RGS6: variants seen among roughly 807,000 people sequenced by gnomAD.
RGS6 encodes regulator of G protein signaling 6.
A neutral mutation model predicts 78.5 loss-of-function variants in RGS6; 30 were observed. That is an observed-to-expected ratio of 0.38 (90% confidence interval 0.29 to 0.52). The LOEUF is 0.52. Ranked by LOEUF, RGS6 falls within the 20% of genes least tolerant of loss-of-function variation. The pLI is 0.85. For missense variants in RGS6, 495 were observed against 609.7 expected (o/e 0.81, Z 1.98); for synonymous variants, 206 against 206.0 (o/e 1.00, Z 0.00).
At chr14:71,887,132 A>T in the RGS6 span, among the ~76,000 whole-genome samples, 2 of 152,204 alleles carry the variant, frequency 1.3e-5, no homozygotes, top group Non-Finnish European at 2.9e-5. Context: ...TGAAGATTTC[A>T]TGGACGTTTA....
intron 2 of RGS6, among the ~76,000 whole-genome samples, chr14:72,247,591 G>C (rs1223806789): frequency 6.6e-6 from 1 of 152,196 alleles, no homozygotes; most frequent in East Asian, 1.9e-4. Flanking sequence ...ACTGATTTCT[G>C]TGGTTTGAAT....
At chr14:72,296,956 A>G (rs552079274) in intron 2 of RGS6, among the ~76,000 whole-genome samples, 22 of 152,298 alleles carry the variant, frequency 1.4e-4, no homozygotes, top group African/African-American at 2.4e-5. Context: ...TTTATATACA[A>G]TATGTGGTAA....
intron 15 of RGS6, among the ~76,000 whole-genome samples, chr14:72,521,074 A>G (rs1348166614): frequency 6.6e-6 from 1 of 152,196 alleles, no homozygotes; most frequent in Non-Finnish European, 1.5e-5. Flanking sequence ...GAGCTAGGAA[A>G]TGTGTTGCTG....
intron 1 of RGS6, among the ~76,000 whole-genome samples, chr14:71,953,500 T>A (rs960645747): frequency 2.0e-5 from 3 of 151,684 alleles, no homozygotes; most frequent in African/African-American, 7.3e-5. Context: ...TTCAAGCATC[T>A]AAAAATGTAA....
At chr14:71,908,830 A>T in the RGS6 span, among the ~76,000 whole-genome samples, 1 of 152,186 alleles carries the variant, frequency 6.6e-6, no homozygotes, top group Admixed American at 6.5e-5. Flanking sequence ...GAATGATTCC[A>T]TCTTGAAGTG....
chr14:72,556,860 A>ACTT (rs1185675891), intron 17 of RGS6, among the ~76,000 whole-genome samples: 1 of 152,112 alleles, frequency 6.6e-6, no homozygotes, highest in Non-Finnish European at 1.5e-5. Flanking sequence ...CTATCCCTTG[A>ACTT]CTTTTTTAAA....
chr14:72,052,981 C>A (rs1400376745), intron 2 of RGS6, among the ~76,000 whole-genome samples: 1 of 41,440 alleles, frequency 2.4e-5, no homozygotes, highest in African/African-American at 2.2e-4. Context: ...TTCTTTCTTT[C>A]TTTCTCTCTC....
In RGS6 at chr14:72,325,466, CTAGGGTTTTTTT is replaced by C. The variant is rs902511890; in HGVS notation, c.85-26628_85-26617del. 6.7e-4 allele frequency among the ~76,000 whole-genome samples: 101 copies of C among 151,112 alleles called. 1 individual carries two copies. Among genetic ancestry groups the C allele is most frequent in the African/African-American group, 2.3e-3 (96 of 41,440 alleles). ...TGAATGGTATTGCCTAGGTTTTCTTCTAGGGTTTTTTTGGTTTTAGGTCTTACATTTAAGTCT... is the reference window on the plus strand; with the variant it reads ...TGAATGGTATTGCCTAGGTTTTCTTCGGTTTTAGGTCTTACATTTAAGTCT... On this transcript the variant is annotated intron_variant, in intron 2 of 17. Transcript: ENST00000553525.
intron 2 of RGS6, among the ~76,000 whole-genome samples, chr14:72,200,100 A>G (rs1480510213): frequency 6.6e-6 from 1 of 152,130 alleles, no homozygotes; most frequent in African/African-American, 2.4e-5. Flanking sequence ...AATCTGTCCT[A>G]TTGGGATAAT....
At chr14:72,157,204 G>T (rs763947767) in intron 2 of RGS6, among the ~76,000 whole-genome samples, 2 of 152,304 alleles carry the variant, frequency 1.3e-5, no homozygotes, top group Middle Eastern at 6.8e-3. Flanking sequence ...GCCTCAGCAG[G>T]AAAGAAGATG....
intron 2 of RGS6, among the ~76,000 whole-genome samples, chr14:72,299,109 T>A (rs2065513360): frequency 6.6e-6 from 1 of 152,240 alleles, no homozygotes; most frequent in African/African-American, 2.4e-5. Flanking sequence ...TGTGTCTTTG[T>A]AGGTTTTTAT....
At chr14:72,161,355 G>A (rs2096850206) in intron 2 of RGS6, among the ~76,000 whole-genome samples, 1 of 152,126 alleles carries the variant, frequency 6.6e-6, no homozygotes. Context: ...TGCATGTTCT[G>A]CACATGTATC....
At chr14:72,562,116 G>A (rs1343015816) in intron 17 of RGS6, among the ~76,000 whole-genome samples, 1 of 152,088 alleles carries the variant, frequency 6.6e-6, no homozygotes, top group Non-Finnish European at 1.5e-5. Flanking sequence ...TCTACCTAAA[G>A]GTTTAAATAC....
At chr14:72,358,021 A>G (rs2080697841) in intron 3 of RGS6, among the ~76,000 whole-genome samples, 1 of 152,124 alleles carries the variant, frequency 6.6e-6, no homozygotes, top group East Asian at 1.9e-4. Flanking sequence ...CTATAGTTAA[A>G]AGGGGTCAAG....
chr14:72,095,630 TCAAA>T (rs1253939628), intron 2 of RGS6, among the ~76,000 whole-genome samples: 3 of 152,176 alleles, frequency 2.0e-5, no homozygotes, highest in Non-Finnish European at 4.4e-5. Flanking sequence ...CATTAAGATT[TCAAA>T]CAAAGACGAG....
intron 2 of RGS6, among the ~76,000 whole-genome samples, chr14:72,151,616 C>G (rs1034018271): frequency 3.3e-5 from 5 of 152,168 alleles, no homozygotes; most frequent in African/African-American, 9.7e-5. Flanking sequence ...CCCACTCTTA[C>G]AGTTGACGGG....
chr14:72,223,485 A>C (rs745632026), intron 2 of RGS6, among the ~76,000 whole-genome samples: 1 of 152,206 alleles, frequency 6.6e-6, no homozygotes, highest in Admixed American at 6.5e-5. Flanking sequence ...TTGGTGTTCA[A>C]CTTCTAATTT....
chr14:72,145,270 G>A (rs568087820), intron 2 of RGS6, among the ~76,000 whole-genome samples: 1 of 152,150 alleles, frequency 6.6e-6, no homozygotes, highest in African/African-American at 2.4e-5. Flanking sequence ...TGTTAGTACT[G>A]CAAAGGCAGA....
intron 2 of RGS6, among the ~76,000 whole-genome samples, chr14:72,180,400 A>G (rs1426949333): frequency 6.6e-6 from 1 of 152,254 alleles, no homozygotes; most frequent in African/African-American, 2.4e-5. Flanking sequence ...TGGGAAATGA[A>G]TGGCTCACTC....
Sources: gnomAD v4.1 joint callset for allele counts (sites outside exome capture counted in the v4.1 genomes callset) on GRCh38, gnomAD v4.1.1 for gene constraint, MANE v1.5 for transcripts, NCBI Gene and HGNC (gene_info 2026-07-23, HGNC 2026-07-21) for gene names.